Variants in BICRAL observed in about 807,000 individuals in gnomAD.
BICRAL encodes BICRA like chromatin remodeling complex associated protein.
A neutral mutation model predicts 91.8 loss-of-function variants in BICRAL; 8 were observed. The observed-to-expected ratio is 0.09, with a 90% CI of 0.05 to 0.16. BICRAL has a LOEUF of 0.16. Among genes scored for constraint, BICRAL ranks in the 10% least tolerant of loss-of-function variants. The probability of loss-of-function intolerance (pLI) is 1.00; values close to 1 mark genes in which losing one functional copy is unlikely to be tolerated. For missense variants in BICRAL, 1,038 were observed against 1,310.9 expected, an observed-to-expected ratio of 0.79 and a Z score of 3.21; for synonymous variants, 445 against 491.1, an observed-to-expected ratio of 0.91 and a Z score of 1.24.
intron 1 of BICRAL, among the ~76,000 whole-genome samples, chr6:42,749,091 C>T (rs1197866952): frequency 1.3e-5 from 2 of 152,100 alleles, no homozygotes; most frequent in East Asian, 1.9e-4. Flanking sequence ...AGAATTCTAA[C>T]GTATTATGGA....
intron 1 of BICRAL, among the ~76,000 whole-genome samples, chr6:42,784,131 T>TA (rs1763032292): frequency 2.6e-5 from 4 of 152,184 alleles, no homozygotes; most frequent in Non-Finnish European, 4.4e-5. Flanking sequence ...TTTTGAAACT[T>TA]TTTTTGTTGG....
intron 3 of BICRAL, 124 bp from the exon 4 acceptor site, chr6:42,822,671 TA>T: frequency 1.8e-6 from 1 of 555,196 alleles, no homozygotes; most frequent in South Asian, 2.8e-5. Context: ...CTAATAGTTT[TA>T]AAATAGGGAG....
intron 2 of BICRAL, among the ~76,000 whole-genome samples, chr6:42,811,668 CAG>C (rs899255719): frequency 2.0e-5 from 3 of 150,848 alleles, no homozygotes; most frequent in Admixed American, 6.6e-5. Context: ...CCCAGAGTAC[CAG>C]AGAGAGAGAG....
At position 42,865,026 on chromosome 6, in the gene BICRAL, C is replaced by T; in HGVS notation, c.2820C>T (p.His940=). Reference sequence around the variant, plus strand: ...AGTGCTCTCCCGGCCCTGAGGGGCACCGGAAAACCTCATCCAGATCGGATC... The same window carrying T: ...AGTGCTCTCCCGGCCCTGAGGGGCATCGGAAAACCTCATCCAGATCGGATC... ...ASQCSPGPEG[H]RKTSSRSDHG... The change falls in exon 13 of 13, where the codon CAC becomes CAT. Residue 940 remains histidine (H), a synonymous_variant. Coordinates refer to ENST00000314073, the MANE Select transcript of BICRAL (RefSeq NM_001393499.1). 1.2e-6 allele frequency: 2 copies of T among 1,614,006 alleles called. No homozygotes were observed. Among genetic ancestry groups the T allele is most frequent in the East Asian group, 4.5e-5 (2 of 44,886 alleles).
At chr6:42,853,826 C>A in intron 8 of BICRAL, 88 bp downstream of exon 8, 1 of 970,938 alleles carries the variant, frequency 1.0e-6, no homozygotes, top group Non-Finnish European at 1.6e-6. Flanking sequence ...TGCTGGCTAG[C>A]TTTGTGTGCA....
intron 1 of BICRAL, among the ~76,000 whole-genome samples, chr6:42,770,412 ATTT>A (rs531644287): frequency 0.24 from 30,436 of 124,532 alleles, 3,556 homozygotes; most frequent in African/African-American, 0.3. Context: ...TATTATTATT[ATTT>A]TTTTTTTTTT....
rs777832712 is a variant in BICRAL at position 42,829,708 on chromosome 6, A to C, written c.1375A>C (p.Thr459Pro). The C allele has an allele frequency of 1.2e-6, 2 of 1,614,010 alleles. No homozygotes were observed. The highest frequency in any genetic ancestry group is 2.2e-5 in the East Asian group (1 of 44,882). The stretch of plus-strand genomic sequence containing the variant: ...CATGCTCAGGACCAACCAACCATAT[A>C]CTGGACCGATGCTTAACAACCAGAA... ...SNMLRTNQPY[T>P]GPMLNNQNTA... The change falls in exon 6 of 13, where the codon ACT becomes CCT. Residue 459 changes from threonine to proline, a missense_variant. Transcript: ENST00000314073.
chr6:42,864,690 C>A lies in BICRAL; in HGVS notation c.2484C>A (p.Phe828Leu). Residue 828 changes from phenylalanine (F) to leucine (L), a missense_variant, in exon 13 of 13, where the codon TTC becomes TTA. Physicochemically the swap from Phe to Leu is conservative, Grantham distance 22. Coordinates refer to ENST00000314073, the MANE Select transcript of BICRAL (RefSeq NM_001393499.1). Reference protein sequence around the residue: ...EGFQADFCCSFKLDKAAHETQ... With the variant: ...EGFQADFCCSLKLDKAAHETQ... ...TTCAGGCTGATTTCTGTTGTTCCTT[C>A]AAACTTGATAAAGCTGCTCATGAGA... 6.2e-7 allele frequency: 1 copy of A among 1,613,920 alleles called. No individual in the cohort carries two copies. Among genetic ancestry groups the A allele is most frequent in the Non-Finnish European group, 8.5e-7 (1 of 1,179,918 alleles).
At chr6:42,842,047 G>GT (rs1764813897) in intron 6 of BICRAL, among the ~76,000 whole-genome samples, 1 of 152,144 alleles carries the variant, frequency 6.6e-6, no homozygotes, top group African/African-American at 2.4e-5. Flanking sequence ...AGCTAAGCTT[G>GT]TATCTTAAAC....
intron 6 of BICRAL, among the ~76,000 whole-genome samples, chr6:42,832,258 G>A (rs1436190739): frequency 6.6e-6 from 1 of 151,340 alleles, no homozygotes; most frequent in Non-Finnish European, 1.5e-5. Context: ...TGAGGCAGGA[G>A]AATCACTTGG....
At chr6:42,847,862 G>A (rs532024593) in intron 6 of BICRAL, among the ~76,000 whole-genome samples, 129 of 151,576 alleles carry the variant, frequency 8.5e-4, no homozygotes, top group African/African-American at 3.0e-3. Flanking sequence ...GGGCGCGGTG[G>A]CTCACGCCTG....
At chr6:42,804,472 G>C (rs1763656500) in intron 1 of BICRAL, among the ~76,000 whole-genome samples, 1 of 152,154 alleles carries the variant, frequency 6.6e-6, no homozygotes, top group South Asian at 2.1e-4. Context: ...AATGAATTTT[G>C]CTTCGGGATT....
At chr6:42,765,926 A>T (rs1317905153) in intron 1 of BICRAL, among the ~76,000 whole-genome samples, 3 of 152,116 alleles carry the variant, frequency 2.0e-5, no homozygotes, top group East Asian at 3.9e-4. Context: ...ACTATATTGT[A>T]TATGTGGGGA....
chr6:42,819,538 G>A (rs1044023032), intron 2 of BICRAL, among the ~76,000 whole-genome samples: 7 of 151,798 alleles, frequency 4.6e-5, no homozygotes, highest in Non-Finnish European at 8.8e-5. Flanking sequence ...CACCCACCTC[G>A]GCCTCCCAAA....
chr6:42,855,664 C>T (rs554002125), intron 8 of BICRAL, among the ~76,000 whole-genome samples, 192 bp from the exon 9 acceptor site: 5 of 151,790 alleles, frequency 3.3e-5, no homozygotes, highest in Non-Finnish European at 5.9e-5. Flanking sequence ...GTAATCTTAA[C>T]ACAGTACAAC....
rs1489947946 is a variant in BICRAL at position 42,864,822 on chromosome 6, C to T, written c.2616C>T (p.Pro872=). The change falls in exon 13 of 13, where the codon CCC becomes CCT. Residue 872 remains proline (P), a synonymous_variant. Transcript: ENST00000314073. ...RDRAKTGVTE[P]MNHDQFHLVP... ...GAGCCAAAACCGGTGTGACGGAACCCATGAATCATGACCAGTTTCATCTAG... is the reference window on the plus strand; with the variant it reads ...GAGCCAAAACCGGTGTGACGGAACCTATGAATCATGACCAGTTTCATCTAG... 6.2e-7 allele frequency: 1 copy of T among 1,614,148 alleles called. No individual in the cohort carries two copies. Among genetic ancestry groups the T allele is most frequent in the South Asian group, 1.1e-5 (1 of 91,084 alleles).
At chr6:42,793,599 A>T (rs1315148004) in intron 1 of BICRAL, among the ~76,000 whole-genome samples, 1 of 151,544 alleles carries the variant, frequency 6.6e-6, no homozygotes, top group African/African-American at 2.4e-5. Context: ...AGGTTGGTTT[A>T]TTCTTATTTT....
intron 1 of BICRAL, among the ~76,000 whole-genome samples, chr6:42,806,151 G>T (rs1208373961): frequency 6.6e-6 from 1 of 152,180 alleles, no homozygotes; most frequent in Non-Finnish European, 1.5e-5. Flanking sequence ...AAGATAACGG[G>T]ATTCTCCCCT....
chr6:42,827,076 C>T (rs773735533), intron 5 of BICRAL, among the ~76,000 whole-genome samples: 7 of 152,150 alleles, frequency 4.6e-5, no homozygotes, highest in South Asian at 2.1e-4. Context: ...TGTGAGCCAC[C>T]GCGCCTGGCC....
Sources: gnomAD v4.1 joint callset for allele counts (sites outside exome capture counted in the v4.1 genomes callset) on GRCh38, gnomAD v4.1.1 for gene constraint, MANE v1.5 for transcripts, NCBI Gene and HGNC (gene_info 2026-07-23, HGNC 2026-07-21) for gene names.